Variants in SPNS2 observed in about 807,000 individuals in gnomAD.
The protein encoded by SPNS2 is sphingosine-1-phosphate transporter SPNS2.
A neutral mutation model predicts 57.6 loss-of-function variants in SPNS2; 37 were observed. That is an observed-to-expected ratio of 0.64 (90% CI 0.49 to 0.85). SPNS2 has a LOEUF of 0.85. Among genes scored for constraint, SPNS2 ranks in the 40% least tolerant of loss-of-function variants. The probability of loss-of-function intolerance (pLI) is 0.00; values close to 1 mark genes in which losing one functional copy is unlikely to be tolerated. For synonymous variants in SPNS2, 440 were observed against 346.9 expected, an observed-to-expected ratio of 1.27 and a Z score of -2.98; for missense variants, 831 against 779.1, an observed-to-expected ratio of 1.07 and a Z score of -0.79.
At chr17:4,529,271 G>T (rs1311959872) in intron 3 of SPNS2, among the ~76,000 whole-genome samples, 1 of 151,768 alleles carries the variant, frequency 6.6e-6, no homozygotes, top group East Asian at 2.0e-4. Context: ...TTAGAGACGA[G>T]GTCTCACTAT....
rs1218404155 is a variant in SPNS2 at position 4,512,640 on chromosome 17, GTGTGCGTGCGCGCGCACGGGTA to G, written c.371-602_371-581del. Reference sequence around the variant, plus strand: ...GGGCAGCTGGGGTGACAGTGTGTGTGTGTGCGTGCGCGCGCACGGGTATGTGTGTGCGCGCGTGGGTGTGTAT... The same window carrying G: ...GGGCAGCTGGGGTGACAGTGTGTGTGTGTGTGTGCGCGCGTGGGTGTGTAT... On this transcript the variant is annotated intron_variant, in intron 1 of 12. Coordinates refer to ENST00000329078, the MANE Select transcript of SPNS2 (RefSeq NM_001124758.3). The surrounding 1 kb of genome is among the most constrained non-coding windows in gnomAD (Gnocchi z 5.2). Among the ~76,000 whole-genome samples the G allele has an allele frequency of 1.3e-5, 2 of 152,150 alleles. No individual in the cohort carries two copies. The highest frequency in any genetic ancestry group is 4.2e-4 in the South Asian group (2 of 4,802).
At position 4,518,025 on chromosome 17, in the gene SPNS2, G is replaced by A. The variant is rs141850478; in HGVS notation, c.436+4713G>A. Among the ~76,000 whole-genome samples the A allele has an allele frequency of 3.0e-3, 460 of 152,372 alleles. 2 individuals carry two copies. Among genetic ancestry groups the A allele is most frequent in the Non-Finnish European group, 5.1e-3 (349 of 68,036 alleles). ...AACACAGGGAAGGGTGAGGGAGAAC[G>A]AAGGCTGTTTGTGGCACTGCCTGAC... On this transcript the variant is annotated intron_variant, in intron 2 of 12. Transcript: ENST00000329078.
At chr17:4,520,203 T>C (rs1905104479) in intron 2 of SPNS2, among the ~76,000 whole-genome samples, 1 of 152,168 alleles carries the variant, frequency 6.6e-6, no homozygotes, top group Non-Finnish European at 1.5e-5. Flanking sequence ...CGTAGGTGCT[T>C]GGGCAAGTTC....
At chr17:4,533,184 C>T (rs1338836540) in intron 7 of SPNS2, 55 bp downstream of exon 7, 5 of 1,581,666 alleles carry the variant, frequency 3.2e-6, no homozygotes, top group African/African-American at 2.7e-5. Context: ...ACAGGAGAGC[C>T]CCTCAGCCTT....
At position 4,499,836 on chromosome 17, in the gene SPNS2, C is replaced by G. The variant is rs959331352; in HGVS notation, c.370+419C>G. Among the ~76,000 whole-genome samples the G allele has an allele frequency of 3.9e-5, 6 of 152,206 alleles. No individual in the cohort carries two copies. The highest frequency in any genetic ancestry group is 1.4e-4 in the African/African-American group (6 of 41,460). On this transcript the variant is annotated intron_variant, in intron 1 of 12. Transcript: ENST00000329078. This position sits in a 1 kb window ranked among gnomAD's most constrained non-coding sequence, Gnocchi z 5.2. Reference sequence around the variant, plus strand: ...GCCCAGGTCGTCTGTCCGTCCATGGCCCGTCAGTTCCTTCCTTTCTCCGCC... The same window carrying G: ...GCCCAGGTCGTCTGTCCGTCCATGGGCCGTCAGTTCCTTCCTTTCTCCGCC...
At chr17:4,504,568 C>T (rs1904623735) in intron 1 of SPNS2, among the ~76,000 whole-genome samples, 1 of 152,244 alleles carries the variant, frequency 6.6e-6, no homozygotes, top group African/African-American at 2.4e-5. Context: ...CTGCCCTGTT[C>T]AGAGCTGCTC....
chr17:4,512,675 C>CGCACGG lies in SPNS2; in HGVS notation c.371-571_371-570insCACGGG, dbSNP rs1411073469. Among the ~76,000 whole-genome samples, 3 of 151,228 alleles carry CGCACGG rather than the reference C, an allele frequency of 2.0e-5. No homozygotes were observed. The highest frequency in any genetic ancestry group is 6.6e-5 in the Admixed American group (1 of 15,234). On this transcript the variant is annotated intron_variant, in intron 1 of 12. Transcript: ENST00000329078. This position sits in a 1 kb window ranked among gnomAD's most constrained non-coding sequence, Gnocchi z 5.2. ...GCGCGCACGGGTATGTGTGTGCGCG[C>CGCACGG]GTGGGTGTGTATGCATGTGTGCAGG...
At chr17:4,533,505 C>T (rs554439583) in intron 8 of SPNS2, 73 bp downstream of exon 8, 40 of 1,443,730 alleles carry the variant, frequency 2.8e-5, no homozygotes, top group Middle Eastern at 1.8e-4. Flanking sequence ...ACAGGACATT[C>T]GGTCTGACTT....
At chr17:4,509,127 C>T (rs1904761773) in intron 1 of SPNS2, among the ~76,000 whole-genome samples, 2 of 152,182 alleles carry the variant, frequency 1.3e-5, no homozygotes, top group African/African-American at 2.4e-5. Flanking sequence ...CTACAGGGTC[C>T]GCTCAGGGAA....
At chr17:4,507,739 T>G (rs747420463) in intron 1 of SPNS2, among the ~76,000 whole-genome samples, 7 of 152,234 alleles carry the variant, frequency 4.6e-5, no homozygotes, top group Non-Finnish European at 1.0e-4. Flanking sequence ...TGATACTGAC[T>G]GTGCTTGGGG....
At chr17:4,529,587 G>A (rs112309758) in intron 3 of SPNS2, among the ~76,000 whole-genome samples, 3,458 of 152,150 alleles carry the variant, frequency 0.023, 82 homozygotes, top group African/African-American at 0.055. Context: ...CAGGAGAATC[G>A]CTTGAACCCG....
In SPNS2 at chr17:4,512,935, G is replaced by A. The variant is rs755813169; in HGVS notation, c.371-312G>A. Among the ~76,000 whole-genome samples the A allele has an allele frequency of 3.9e-5, 6 of 152,196 alleles. No individual in the cohort carries two copies. The highest frequency in any genetic ancestry group is 7.3e-5 in the Non-Finnish European group (5 of 68,028). On this transcript the variant is annotated intron_variant, in intron 1 of 12. Coordinates refer to ENST00000329078, the MANE Select transcript of SPNS2 (RefSeq NM_001124758.3). The surrounding 1 kb of genome is among the most constrained non-coding windows in gnomAD (Gnocchi z 5.2). Reference sequence around the variant, plus strand: ...ATTGCACTGATCCACGGCCTGGGCCGCAGGTAGGGAAGAGGCCCAAGCTGG... The same window carrying A: ...ATTGCACTGATCCACGGCCTGGGCCACAGGTAGGGAAGAGGCCCAAGCTGG...
chr17:4,498,906 C>T lies in SPNS2; in HGVS notation c.-142C>T, dbSNP rs1337019062. On this transcript the variant is annotated 5_prime_UTR_variant, in exon 1 of 13. Coordinates refer to ENST00000329078, the MANE Select transcript of SPNS2 (RefSeq NM_001124758.3). ...GCAGCGAGCTGAGCGGTGGCAGCGC[C>T]GCAGCCGGGGCCGGAGCGCAGGAGC... 1.2e-5 allele frequency: 4 copies of T among 340,370 alleles called. No homozygotes were observed. The highest frequency in any genetic ancestry group is 6.5e-5 in the Admixed American group (1 of 15,428). 21.1% of individuals were successfully genotyped at this position (340,370 alleles called of 1,614,324 possible).
intron 5 of SPNS2, among the ~76,000 whole-genome samples, chr17:4,531,581 G>A (rs559690373): frequency 1.2e-4 from 19 of 152,250 alleles, no homozygotes; most frequent in Admixed American, 3.9e-4. Flanking sequence ...CAGCGCAATC[G>A]GAGGAAACAG....
At position 4,511,540 on chromosome 17, in the gene SPNS2, G is replaced by C. The variant is rs1904829435; in HGVS notation, c.371-1707G>C. On this transcript the variant is annotated intron_variant, in intron 1 of 12. Coordinates refer to ENST00000329078, the MANE Select transcript of SPNS2 (RefSeq NM_001124758.3). The surrounding 1 kb of genome is among the most constrained non-coding windows in gnomAD (Gnocchi z 4.6). ...CAGAGTCCTGACCCAGAAAGGAATG[G>C]GTTGTGGGGCTGTGAGCCTCTGGGG... 6.6e-6 allele frequency among the ~76,000 whole-genome samples: 1 copy of C among 152,214 alleles called. No homozygotes were observed. Among genetic ancestry groups the C allele is most frequent in the Non-Finnish European group, 1.5e-5 (1 of 68,034 alleles).
chr17:4,532,710 T>G, intron 6 of SPNS2, 26 bp downstream of exon 6: 3 of 1,610,170 alleles, frequency 1.9e-6, no homozygotes. Context: ...AGGGGTCTGG[T>G]GGGAAGAGAG....
rs1904882702 is a variant in SPNS2, at chr17:4,512,951, C to T, written c.371-296C>T. ...GCCTGGGCCGCAGGTAGGGAAGAGG[C>T]CCAAGCTGGCAGATAGGAGGTGTGG... is the stretch of plus-strand genomic sequence containing the variant. On this transcript the variant is annotated intron_variant, in intron 1 of 12. Transcript: ENST00000329078. This position sits in a 1 kb window ranked among gnomAD's most constrained non-coding sequence, Gnocchi z 5.2. Among the ~76,000 whole-genome samples the T allele has an allele frequency of 6.6e-6, 1 of 152,186 alleles. No individual in the cohort carries two copies.
rs909827341 is a variant in SPNS2, at chr17:4,538,933, T to C, written c.*1485T>C. On this transcript the variant is annotated 3_prime_UTR_variant, in exon 13 of 13. Coordinates refer to ENST00000329078, the MANE Select transcript of SPNS2 (RefSeq NM_001124758.3). ...CTCCTCTTCCTTCCGGAAGCCAAAC[T>C]GCTCCTTTATTTTTTAGAGCTGCTG... 3.8e-6 allele frequency: 3 copies of C among 783,102 alleles called. No individual in the cohort carries two copies. Among genetic ancestry groups the C allele is most frequent in the Non-Finnish European group, 7.1e-6 (3 of 419,954 alleles). The allele number at this position is 783,102 out of a possible 1,614,324, so 48.5% of individuals were successfully genotyped here. A position where few individuals can be genotyped will look rare whatever the true frequency, so the allele number is the denominator to read the frequency against.
At chr17:4,533,911 AG>A in intron 9 of SPNS2, 58 bp downstream of exon 9, 1 of 878,938 alleles carries the variant, frequency 1.1e-6, no homozygotes, top group Non-Finnish European at 1.8e-6. Context: ...TTGACCTCAC[AG>A]GGGTGCCTGG....
Sources: gnomAD v4.1 joint callset for allele counts (sites outside exome capture counted in the v4.1 genomes callset) on GRCh38, gnomAD v4.1.1 for gene constraint, Gnocchi (gnomAD v3.1) non-coding constraint, MANE v1.5 for transcripts, NCBI Gene and HGNC (gene_info 2026-07-23, HGNC 2026-07-21) for gene names.